The following FGF1 variants were observed in gnomAD, a reference collection of about 807,000 sequenced individuals.
FGF1 encodes fibroblast growth factor 1.
In FGF1, 9 loss-of-function variants were observed where a neutral mutation model predicts 13.4. The ratio of observed to expected loss-of-function variants is 0.67; its 90% CI spans 0.40 to 1.17. The LOEUF is 1.17. FGF1 is among the 50% of genes most tolerant of loss of function. The pLI, the probability that FGF1 is intolerant of heterozygous loss-of-function variation, is 0.01. For missense variants in FGF1, 156 were observed against 192.7 expected, an observed-to-expected ratio of 0.81 and a Z score of 1.13; for synonymous variants, 93 against 79.0, an observed-to-expected ratio of 1.18 and a Z score of -0.94.
chr5:142,634,195 GAA>G (rs1230194595), intron 1 of FGF1, among the ~76,000 whole-genome samples: 1 of 102,444 alleles, frequency 9.8e-6, no homozygotes, highest in Non-Finnish European at 1.9e-5. Flanking sequence ...TCCATCTCAA[GAA>G]AAAAAAAAAA....
chr5:142,674,237 T>C (rs1347564860), intron 1 of FGF1, among the ~76,000 whole-genome samples: 1 of 152,246 alleles, frequency 6.6e-6, no homozygotes, highest in African/African-American at 2.4e-5. Flanking sequence ...TATTTCTTTG[T>C]TGGCCTACTT....
intron 1 of FGF1, chr5:142,680,679 T>C (rs1158373526): frequency 2.0e-5 from 3 of 152,206 alleles, no homozygotes; most frequent in African/African-American, 7.2e-5. Context: ...CCAAATGTGC[T>C]GTTATTGTTA....
chr5:142,601,425 G>A (rs553297169), intron 2 of FGF1, among the ~76,000 whole-genome samples: 32 of 152,248 alleles, frequency 2.1e-4, no homozygotes, highest in African/African-American at 7.2e-4. Context: ...TGAAGTTTCC[G>A]TCAATCCCTC....
At chr5:142,615,170 A>C (rs1030004409) in intron 1 of FGF1, among the ~76,000 whole-genome samples, 3 of 152,088 alleles carry the variant, frequency 2.0e-5, no homozygotes, top group Non-Finnish European at 4.4e-5. Flanking sequence ...GACTCTAAAA[A>C]CTGAAAAGAA....
intron 2 of FGF1, among the ~76,000 whole-genome samples, chr5:142,604,463 A>G (rs1036677869): frequency 6.6e-6 from 1 of 152,190 alleles, no homozygotes; most frequent in Non-Finnish European, 1.5e-5. Context: ...AACAGTATAA[A>G]ATTAAAGAGT....
chr5:142,651,711 T>G (rs1017069557), intron 1 of FGF1, among the ~76,000 whole-genome samples: 1 of 152,220 alleles, frequency 6.6e-6, no homozygotes, highest in Admixed American at 6.5e-5. Flanking sequence ...TAGTTTTGCC[T>G]TTTCCAGAAT....
At chr5:142,674,317 G>A (rs1306992638) in intron 1 of FGF1, among the ~76,000 whole-genome samples, 1 of 152,146 alleles carries the variant, frequency 6.6e-6, no homozygotes, top group Non-Finnish European at 1.5e-5. Context: ...TCAAGAGCAT[G>A]GATCGTATCT....
intron 1 of FGF1, among the ~76,000 whole-genome samples, chr5:142,650,481 T>C (rs911430012): frequency 6.6e-6 from 1 of 152,130 alleles, no homozygotes; most frequent in Non-Finnish European, 1.5e-5. Context: ...AGGGTAGTAA[T>C]TACAGTACTT....
At chr5:142,618,371 T>G (rs1334499100) in intron 1 of FGF1, among the ~76,000 whole-genome samples, 4 of 152,104 alleles carry the variant, frequency 2.6e-5, no homozygotes. Context: ...GGGCGAGTCA[T>G]TCACTCCTTC....
chr5:142,642,805 T>C (rs1245556889), intron 1 of FGF1, among the ~76,000 whole-genome samples: 1 of 152,206 alleles, frequency 6.6e-6, no homozygotes, highest in Non-Finnish European at 1.5e-5. Context: ...TGGGATCCTG[T>C]AGACCAGTGA....
intron 1 of FGF1, among the ~76,000 whole-genome samples, chr5:142,662,039 A>C (rs17223255): frequency 0.21 from 31,341 of 151,900 alleles, 3,441 homozygotes; most frequent in African/African-American, 0.27. Flanking sequence ...ACAAAAAAAA[A>C]CCCACATATT....
chr5:142,658,726 C>T (rs916064376), intron 1 of FGF1, among the ~76,000 whole-genome samples: 1 of 152,024 alleles, frequency 6.6e-6, no homozygotes, highest in African/African-American at 2.4e-5. Context: ...AGAGTAAGAC[C>T]GACTAGCAAG....
At chr5:142,601,369 G>C (rs1756519038) in intron 2 of FGF1, among the ~76,000 whole-genome samples, 1 of 152,164 alleles carries the variant, frequency 6.6e-6, no homozygotes, top group South Asian at 2.1e-4. Flanking sequence ...TTCCCAGGGA[G>C]TTAGGACTGG....
chr5:142,611,925 G>T (rs1057436093), intron 2 of FGF1, among the ~76,000 whole-genome samples: 1 of 152,186 alleles, frequency 6.6e-6, no homozygotes, highest in African/African-American at 2.4e-5. Flanking sequence ...ACTGCAATAT[G>T]AACCAACACG....
At chr5:142,660,261 TAGG>T (rs1005313760) in intron 1 of FGF1, among the ~76,000 whole-genome samples, 2 of 152,244 alleles carry the variant, frequency 1.3e-5, no homozygotes, top group Admixed American at 6.5e-5. Context: ...GGCATGGTTT[TAGG>T]AGGAGTGGGA....
intron 1 of FGF1, among the ~76,000 whole-genome samples, chr5:142,615,311 G>A (rs974927213): frequency 8.6e-5 from 13 of 151,934 alleles, no homozygotes; most frequent in Non-Finnish European, 1.8e-4. Context: ...TTGGCCTCCC[G>A]GGTCCCAGTT....
intron 1 of FGF1, among the ~76,000 whole-genome samples, chr5:142,646,514 G>A (rs577849717): frequency 1.6e-4 from 25 of 151,998 alleles, no homozygotes; most frequent in African/African-American, 3.1e-4. Flanking sequence ...CACCACGCCC[G>A]GCTACTTTTT....
chr5:142,689,028 G>A (rs1751710353), upstream of FGF1, among the ~76,000 whole-genome samples: 1 of 152,180 alleles, frequency 6.6e-6, no homozygotes, highest in Non-Finnish European at 1.5e-5. Flanking sequence ...TGAATCAACA[G>A]GGTTCAAAAT....
rs541444970 is a variant in FGF1, at chr5:142,619,090, G to A, written c.-34-4929C>T. On this transcript the variant is annotated intron_variant, in intron 1 of 3. Transcript: ENST00000337706. The stretch of plus-strand genomic sequence containing the variant: ...GCTGGGACTACAGGCGCCTGCCACC[G>A]CGCCCGGCTAATTTTTTGTATTTTT... 5.3e-3 allele frequency among the ~76,000 whole-genome samples: 810 copies of A among 151,586 alleles called. 9 individuals are homozygous for A. Among genetic ancestry groups the A allele is most frequent in the African/African-American group, 0.018 (728 of 41,254 alleles).
Sources: gnomAD v4.1 joint callset for allele counts (sites outside exome capture counted in the v4.1 genomes callset) on GRCh38, gnomAD v4.1.1 for gene constraint, MANE v1.5 for transcripts, NCBI Gene and HGNC (gene_info 2026-07-23, HGNC 2026-07-21) for gene names.